Variants in CCDC13 observed in about 807,000 individuals in gnomAD.
CCDC13 encodes the protein coiled-coil domain-containing protein 13.
In CCDC13, 70 loss-of-function variants were observed where a neutral mutation model predicts 87.3. That is an observed-to-expected ratio of 0.80 (90% CI 0.66 to 0.98). The LOEUF (loss-of-function observed/expected upper bound fraction) is 0.98. Ranked by LOEUF, CCDC13 falls within the 50% of genes least tolerant of loss-of-function variation. CCDC13 has a pLI of 0.00. For missense variants in CCDC13, 842 were observed against 892.0 expected (o/e 0.94, Z 0.71); for synonymous variants, 317 against 360.3 (o/e 0.88, Z 1.36).
chr3:42,770,120 T>G (rs1408375171), intron 1 of CCDC13, among the ~76,000 whole-genome samples: 1 of 152,230 alleles, frequency 6.6e-6, no homozygotes, highest in Admixed American at 6.5e-5. Flanking sequence ...TGAACCTAGC[T>G]GGGCTCCTGA....
At chr3:42,732,663 GAA>G in intron 12 of CCDC13, 1 of 556,796 alleles carries the variant, frequency 1.8e-6, no homozygotes, top group Non-Finnish European at 3.2e-6. Context: ...TAGCAGGTAG[GAA>G]CCCTAGCCTG....
Position 42,743,600 on chromosome 3 carries a change from T to TATATATATACATAC in CCDC13, c.826-544_826-543insGTATGTATATATAT. 2.9e-3 allele frequency among the ~76,000 whole-genome samples: 368 copies of TATATATATACATAC among 125,778 alleles called. 6 individuals are homozygous for TATATATATACATAC. In the East Asian group the frequency reaches 0.058, roughly 20 times the overall value. 82.5% of individuals were successfully genotyped at this position (125,778 alleles called of 152,430 possible). A position where few individuals can be genotyped will look rare whatever the true frequency, so the allele number is the denominator to read the frequency against. ...GCCTGGATAATTTTATATATATATA[T>TATATATATACATAC]ACACACACACATATATATATACACA... On this transcript the variant is annotated intron_variant, in intron 7 of 15. Coordinates refer to ENST00000310232, the MANE Select transcript of CCDC13 (RefSeq NM_144719.4).
chr3:42,728,150 C>T (rs1055087901), intron 13 of CCDC13, among the ~76,000 whole-genome samples: 4 of 152,338 alleles, frequency 2.6e-5, no homozygotes, highest in Non-Finnish European at 4.4e-5. Flanking sequence ...GACAACAGGA[C>T]GACACACACT....
At chr3:42,747,028 C>T (rs560102254) in intron 6 of CCDC13, 42 of 630,904 alleles carry the variant, frequency 6.7e-5, no homozygotes, top group South Asian at 5.0e-4. Flanking sequence ...AGGTATGCTG[C>T]GGGGGTGGGG....
rs1053364088 is a variant in CCDC13 at position 42,707,777 on chromosome 3, T to A, written c.*1203A>T. Among the ~76,000 whole-genome samples, 1 of 152,214 alleles carries A rather than the reference T, an allele frequency of 6.6e-6. No individual in the cohort carries two copies. Among genetic ancestry groups the A allele is most frequent in the Non-Finnish European group, 1.5e-5 (1 of 68,036 alleles). ...GTGCCTGTGTGCACGTACAGTTGCA[T>A]GCTCCTGAATTGAGGTATGTGTGTG... On this transcript the variant is annotated 3_prime_UTR_variant, in exon 16 of 16. Transcript: ENST00000310232.
chr3:42,771,381 G>A (rs894016714), intron 1 of CCDC13, among the ~76,000 whole-genome samples: 21 of 152,152 alleles, frequency 1.4e-4, no homozygotes, highest in Non-Finnish European at 2.6e-4. Context: ...TTTTGGGGAG[G>A]TGAAACTGTT....
At chr3:42,757,570 T>A (rs551455337) in intron 2 of CCDC13, among the ~76,000 whole-genome samples, 2 of 152,066 alleles carry the variant, frequency 1.3e-5, no homozygotes, top group Non-Finnish European at 2.9e-5. Flanking sequence ...AAAACAAAAT[T>A]AGCCAGGCAT....
rs2125866066 is a variant in CCDC13 at position 42,709,321 on chromosome 3, C to T, written c.1989-182G>A. 2.0e-5 allele frequency among the ~76,000 whole-genome samples: 3 copies of T among 152,368 alleles called. No homozygotes were observed. In the South Asian group the frequency reaches 6.2e-4, roughly 32 times the overall value. ...CATGGATTCCTCTCTATGGGCCTGG[C>T]TCCCTGCAATGTAAGCTACCTCAAG... is the stretch of plus-strand genomic sequence containing the variant. On this transcript the variant is annotated intron_variant, in intron 15 of 15. Transcript: ENST00000310232.
intron 5 of CCDC13, among the ~76,000 whole-genome samples, chr3:42,750,743 C>T (rs765633092): frequency 1.6e-4 from 25 of 152,228 alleles, no homozygotes; most frequent in Non-Finnish European, 3.1e-4. Flanking sequence ...GCTGGGATTA[C>T]GGGCATGAGC....
chr3:42,754,362 G>A (rs1439819291), intron 3 of CCDC13, among the ~76,000 whole-genome samples: 1 of 152,146 alleles, frequency 6.6e-6, no homozygotes, highest in Non-Finnish European at 1.5e-5. Context: ...CTGGAGCCCT[G>A]GAGTATCTAG....
chr3:42,766,564 C>G (rs1161896050), intron 1 of CCDC13, among the ~76,000 whole-genome samples: 3 of 147,980 alleles, frequency 2.0e-5, no homozygotes. Flanking sequence ...ATGATTGCAC[C>G]ACTGCACTCC....
At chr3:42,711,755 C>G (rs563690358) in intron 14 of CCDC13, among the ~76,000 whole-genome samples, 1 of 152,270 alleles carries the variant, frequency 6.6e-6, no homozygotes, top group African/African-American at 2.4e-5. Context: ...CAGGGGGAGG[C>G]GGGTAAGTGG....
At chr3:42,730,427 T>C (rs777193561) in intron 13 of CCDC13, 40 bp downstream of exon 13, 18 of 1,598,716 alleles carry the variant, frequency 1.1e-5, no homozygotes, top group Non-Finnish European at 1.5e-5. Flanking sequence ...CCCCACCACA[T>C]GCAGGCCTAT....
At chr3:42,760,800 T>A (rs1699816106) in intron 1 of CCDC13, among the ~76,000 whole-genome samples, 1 of 151,960 alleles carries the variant, frequency 6.6e-6, no homozygotes, top group South Asian at 2.1e-4. Flanking sequence ...TTAATTAAAA[T>A]AAAATAAAAA....
chr3:42,760,292 CTAAATAAATAAATAAA>C (rs56384940), intron 1 of CCDC13, among the ~76,000 whole-genome samples: 38,805 of 144,578 alleles, frequency 0.27, 6,034 homozygotes, highest in East Asian at 0.69. Context: ...ATTCTTGTCT[CTAAATAAATAAATAAA>C]TAAATAAATA....
chr3:42,730,734 C>A, intron 12 of CCDC13, 145 bp from the exon 13 acceptor site: 1 of 1,090,560 alleles, frequency 9.2e-7, no homozygotes. Flanking sequence ...CCTCTAGGTC[C>A]TCCCCTGCTG....
At chr3:42,755,379 C>T (rs1329290816) in intron 3 of CCDC13, among the ~76,000 whole-genome samples, 6 of 152,246 alleles carry the variant, frequency 3.9e-5, no homozygotes, top group East Asian at 1.9e-4. Context: ...GAGTCCGAGG[C>T]GGGCAGATCA....
At chr3:42,725,637 G>A (rs1187768024) in intron 13 of CCDC13, among the ~76,000 whole-genome samples, 1 of 152,058 alleles carries the variant, frequency 6.6e-6, no homozygotes, top group Admixed American at 6.6e-5. Context: ...GGGAGGAGGG[G>A]AGGAAGCACC....
chr3:42,729,358 C>A (rs979305137), intron 13 of CCDC13, among the ~76,000 whole-genome samples: 18 of 152,178 alleles, frequency 1.2e-4, no homozygotes, highest in African/African-American at 4.3e-4. Flanking sequence ...AAATTCACAT[C>A]ATCTCTATGT....
Sources: allele counts gnomAD v4.1 joint callset (sites outside exome capture counted in the v4.1 genomes callset), GRCh38; gene constraint gnomAD v4.1.1; transcripts MANE v1.5; gene names NCBI Gene and HGNC (gene_info 2026-07-23, HGNC 2026-07-21).